STK17B: variants seen among roughly 807,000 people sequenced by gnomAD.
STK17B encodes the protein serine/threonine kinase 17b.
A neutral mutation model predicts 42.0 loss-of-function variants in STK17B; 21 were observed. That is an observed-to-expected ratio of 0.50 (90% CI 0.35 to 0.72). The LOEUF (loss-of-function observed/expected upper bound fraction) is 0.72, where lower values mean the gene tolerates loss of function less well. Among genes scored for constraint, STK17B ranks in the 30% least tolerant of loss-of-function variants. The pLI, the probability that STK17B is intolerant of heterozygous loss-of-function variation, is 0.00. For missense variants in STK17B, 349 were observed against 446.0 expected, an observed-to-expected ratio of 0.78 and a Z score of 1.96; for synonymous variants, 143 against 148.4, an observed-to-expected ratio of 0.96 and a Z score of 0.26.
chr2:196,145,882 T>C, intron 4 of STK17B, 29 bp downstream of exon 4: 1 of 1,533,368 alleles, frequency 6.5e-7, no homozygotes, highest in Non-Finnish European at 8.7e-7. Flanking sequence ...AACACAGATG[T>C]TGCATTACTT....
chr2:196,150,533 T>C (rs1037529529), intron 3 of STK17B, among the ~76,000 whole-genome samples: 2 of 152,230 alleles, frequency 1.3e-5, no homozygotes, highest in African/African-American at 2.4e-5. Context: ...AATATTCCTA[T>C]AACATAAAGT....
chr2:196,146,186 G>T (rs1405883744), intron 3 of STK17B, 131 bp from the exon 4 acceptor site: 2 of 983,424 alleles, frequency 2.0e-6, no homozygotes, highest in Non-Finnish European at 2.8e-6. Context: ...AATAGGGCAG[G>T]GAAGTGAGAG....
chr2:196,156,314 T>C (rs184806850), intron 3 of STK17B, 125 bp downstream of exon 3: 1 of 810,330 alleles, frequency 1.2e-6, no homozygotes, highest in Non-Finnish European at 1.9e-6. Flanking sequence ...ATAAATTAGG[T>C]CCCTTTTACA....
intron 1 of STK17B, among the ~76,000 whole-genome samples, chr2:196,170,055 G>C: frequency 6.6e-6 from 1 of 152,116 alleles, no homozygotes; most frequent in Non-Finnish European, 1.5e-5. Context: ...CTATGGACCA[G>C]TTTTCTTAAA....
intron 4 of STK17B, among the ~76,000 whole-genome samples, chr2:196,144,218 T>C (rs1351234768): frequency 1.3e-5 from 2 of 149,392 alleles, no homozygotes; most frequent in Non-Finnish European, 3.0e-5. Context: ...AGGCCGGGCA[T>C]GGTGGCTCAC....
At chr2:196,152,600 T>C (rs1699680912) in intron 3 of STK17B, among the ~76,000 whole-genome samples, 1 of 152,132 alleles carries the variant, frequency 6.6e-6, no homozygotes, top group African/African-American at 2.4e-5. Flanking sequence ...TACAACAGAG[T>C]ACTATGCAGC....
At chr2:196,152,993 C>T (rs1365424486) in intron 3 of STK17B, 1 of 151,494 alleles carries the variant, frequency 6.6e-6, no homozygotes, top group Non-Finnish European at 1.5e-5. Flanking sequence ...GTTTGTTGCC[C>T]AGGCTGGTCT....
At chr2:196,158,582 G>A (rs1435547811) in intron 2 of STK17B, among the ~76,000 whole-genome samples, 2 of 152,042 alleles carry the variant, frequency 1.3e-5, no homozygotes, top group Non-Finnish European at 2.9e-5. Context: ...ATTTTATACT[G>A]GATAAATTGA....
chr2:196,134,069 T>C lies in STK17B; in HGVS notation c.*3378A>G, dbSNP rs1699360264. 1 of 152,166 alleles carries C rather than the reference T, an allele frequency of 6.6e-6. No individual in the cohort carries two copies. Among genetic ancestry groups the C allele is most frequent in the Non-Finnish European group, 1.5e-5 (1 of 68,042 alleles). The allele number at this position is 152,166 out of a possible 1,614,324, so 9.4% of individuals were successfully genotyped here. On this transcript the variant is annotated 3_prime_UTR_variant, in exon 8 of 8. Transcript: ENST00000263955. The stretch of plus-strand genomic sequence containing the variant: ...AAATATCAGTATTTATAAATGTTGC[T>C]TAGAGGAAGGCTATTCAAAGCATGG...
At chr2:196,169,504 A>G (rs1176358206) in intron 1 of STK17B, among the ~76,000 whole-genome samples, 2 of 152,230 alleles carry the variant, frequency 1.3e-5, no homozygotes, top group Admixed American at 6.5e-5. Flanking sequence ...CTCTAAAATT[A>G]AAGCAAAAAT....
At chr2:196,169,714 A>G (rs1699915085) in intron 1 of STK17B, among the ~76,000 whole-genome samples, 1 of 152,218 alleles carries the variant, frequency 6.6e-6, no homozygotes, top group South Asian at 2.1e-4. Flanking sequence ...CCAACTTCCT[A>G]AAAACGCATT....
At chr2:196,174,599 G>T (rs1183638042), upstream of STK17B, among the ~76,000 whole-genome samples, 2 of 152,198 alleles carry the variant, frequency 1.3e-5, no homozygotes, top group Non-Finnish European at 2.9e-5. Context: ...AAGGCCAACA[G>T]CCTCTGAAGG....
rs1029094182 is a variant in STK17B, at chr2:196,135,163, T to G, written c.*2284A>C. The G allele has an allele frequency of 2.0e-5, 3 of 152,184 alleles. No individual in the cohort carries two copies. Among genetic ancestry groups the G allele is most frequent in the African/African-American group, 7.2e-5 (3 of 41,462 alleles). The allele number at this position is 152,184 out of a possible 1,614,324, so 9.4% of individuals were successfully genotyped here. On this transcript the variant is annotated 3_prime_UTR_variant, in exon 8 of 8. Coordinates refer to ENST00000263955, the MANE Select transcript of STK17B (RefSeq NM_004226.4). Reference sequence around the variant, plus strand: ...AACAAATGAACTTATAATTTAAAATTCAAATATTTCTTGATTTTTTGGGGG... The same window carrying G: ...AACAAATGAACTTATAATTTAAAATGCAAATATTTCTTGATTTTTTGGGGG...
intron 6 of STK17B, among the ~76,000 whole-genome samples, chr2:196,141,026 C>G (rs1389131522): frequency 3.3e-5 from 5 of 152,160 alleles, no homozygotes; most frequent in Admixed American, 3.3e-4. Flanking sequence ...GTTTTCATCA[C>G]AGAGAGAGAT....
upstream of STK17B, among the ~76,000 whole-genome samples, chr2:196,172,691 AGGTT>A (rs1274137162): frequency 2.6e-5 from 4 of 152,194 alleles, no homozygotes; most frequent in Non-Finnish European, 5.9e-5. Context: ...GTTGTTACTT[AGGTT>A]AACTCCTCCT....
intron 4 of STK17B, 126 bp from the exon 5 acceptor site, chr2:196,143,812 C>T: frequency 1.2e-6 from 1 of 812,920 alleles, no homozygotes; most frequent in Non-Finnish European, 1.7e-6. Flanking sequence ...ATGCATCAAA[C>T]ATTTACTGAC....
chr2:196,140,340 A>T (rs1355299588), intron 6 of STK17B, among the ~76,000 whole-genome samples: 3 of 152,162 alleles, frequency 2.0e-5, no homozygotes, highest in African/African-American at 7.2e-5. Flanking sequence ...TCCTGGGCAA[A>T]CCCATGAGCA....
chr2:196,146,180 G>T, intron 3 of STK17B, 125 bp from the exon 4 acceptor site: 1 of 1,039,456 alleles, frequency 9.6e-7, no homozygotes, highest in South Asian at 2.3e-5. Flanking sequence ...CTTAAAAATA[G>T]GGCAGGGAAG....
At chr2:196,148,674 T>C (rs1330389149) in intron 3 of STK17B, among the ~76,000 whole-genome samples, 3 of 152,236 alleles carry the variant, frequency 2.0e-5, no homozygotes, top group Non-Finnish European at 4.4e-5. Context: ...TAGATGTGTA[T>C]TCTTCATTTG....
Sources: gnomAD v4.1 joint callset for allele counts (sites outside exome capture counted in the v4.1 genomes callset) on GRCh38, gnomAD v4.1.1 for gene constraint, MANE v1.5 for transcripts, NCBI Gene and HGNC (gene_info 2026-07-23, HGNC 2026-07-21) for gene names.